Variants in GRIK1 observed in about 807,000 individuals in gnomAD.
The protein encoded by GRIK1 is glutamate ionotropic receptor kainate type subunit 1, also known as glutamate receptor ionotropic, kainate 1.
GRIK1 carries 69 observed loss-of-function variants against 105.7 expected under a neutral mutation model. That is an observed-to-expected ratio of 0.65 (90% CI 0.54 to 0.80). The LOEUF is 0.80. Among genes scored for constraint, GRIK1 ranks in the 30% least tolerant of loss-of-function variants. The pLI is 0.00. For missense variants in GRIK1, 1,109 were observed against 1,167.3 expected, an observed-to-expected ratio of 0.95 and a Z score of 0.73; for synonymous variants, 438 against 431.3, an observed-to-expected ratio of 1.02 and a Z score of -0.19.
At chr21:29,640,484 C>G (rs570659040) in intron 7 of GRIK1, among the ~76,000 whole-genome samples, 11 of 152,244 alleles carry the variant, frequency 7.2e-5, no homozygotes, top group African/African-American at 2.6e-4. Context: ...ATTCATTCCC[C>G]CCTCCCTTCC....
rs773549572 is a variant in GRIK1, at chr21:29,591,139, G to A, written c.1338C>T (p.Asn446=). The change falls in exon 10 of 18, where the codon AAC becomes AAT. Residue 446 remains asparagine (N), a synonymous_variant. Coordinates refer to ENST00000327783, the MANE Select transcript of GRIK1 (RefSeq NM_001330994.2). The part of the protein sequence containing the change: ...KSSNITDSLA[N]RTLIVTTILE... ...GAATGGTGGTGACAATGAGTGTTCT[G>A]TTGGCCAATGAATCAGTGATATTGC... The A allele has an allele frequency of 3.1e-6, 5 of 1,601,146 alleles. No individual in the cohort carries two copies. The highest frequency in any genetic ancestry group is 3.4e-6 in the Non-Finnish European group (4 of 1,168,198).
chr21:29,699,802 C>T (rs2063778645), intron 1 of GRIK1, among the ~76,000 whole-genome samples: 2 of 152,012 alleles, frequency 1.3e-5, no homozygotes, highest in Non-Finnish European at 2.9e-5. Flanking sequence ...GCAAGCACCA[C>T]CACACCCAGC....
chr21:29,822,523 C>A (rs77611906), intron 1 of GRIK1, among the ~76,000 whole-genome samples: 2,497 of 152,142 alleles, frequency 0.016, 62 homozygotes, highest in African/African-American at 0.057. Flanking sequence ...GACGGCCCCT[C>A]ATCCACAACC....
chr21:29,742,080 T>C (rs562724320), intron 1 of GRIK1, among the ~76,000 whole-genome samples: 1 of 152,298 alleles, frequency 6.6e-6, no homozygotes, highest in Non-Finnish European at 1.5e-5. Flanking sequence ...TGCCTTCAAA[T>C]AAAAATAAAT....
At chr21:29,935,164 C>T (rs1483849885) in intron 1 of GRIK1, among the ~76,000 whole-genome samples, 1 of 152,156 alleles carries the variant, frequency 6.6e-6, no homozygotes, top group African/African-American at 2.4e-5. Flanking sequence ...AAGCTAGAAC[C>T]TATTCCAAGT....
At chr21:29,723,451 G>C (rs1489038442) in intron 1 of GRIK1, among the ~76,000 whole-genome samples, 3 of 152,172 alleles carry the variant, frequency 2.0e-5, no homozygotes, top group African/African-American at 7.2e-5. Flanking sequence ...AGTAGTTTTA[G>C]AGTAATTGCT....
At chr21:29,881,991 T>C (rs957214075) in intron 1 of GRIK1, among the ~76,000 whole-genome samples, 1 of 152,250 alleles carries the variant, frequency 6.6e-6, no homozygotes, top group Middle Eastern at 3.4e-3. Context: ...AACATACTCC[T>C]TGGCATCATG....
chr21:29,764,070 G>C (rs1410146854), intron 1 of GRIK1: 1 of 152,224 alleles, frequency 6.6e-6, no homozygotes, highest in African/African-American at 2.4e-5. Context: ...TAATTGGAGG[G>C]AGGATAGAAT....
intron 1 of GRIK1, among the ~76,000 whole-genome samples, chr21:29,904,383 G>A (rs901065516): frequency 5.3e-5 from 8 of 151,682 alleles, no homozygotes; most frequent in Admixed American, 5.3e-4. Flanking sequence ...GAACTATTAT[G>A]ACTATATAGT....
intron 1 of GRIK1, among the ~76,000 whole-genome samples, chr21:29,915,471 A>G (rs978599565): frequency 6.6e-6 from 1 of 152,070 alleles, no homozygotes; most frequent in African/African-American, 2.4e-5. Context: ...ACGCTTTAGT[A>G]TATTTTCACA....
intron 1 of GRIK1, among the ~76,000 whole-genome samples, chr21:29,833,364 C>T (rs181246849): frequency 1.1e-3 from 174 of 152,274 alleles, no homozygotes; most frequent in Non-Finnish European, 2.0e-3. Flanking sequence ...TAAGAATGCC[C>T]CACTCCCAGT....
chr21:29,899,527 G>T (rs1601980819), intron 1 of GRIK1, among the ~76,000 whole-genome samples: 1 of 147,460 alleles, frequency 6.8e-6, no homozygotes, highest in African/African-American at 2.6e-5. Flanking sequence ...GAGTGATAAG[G>T]CATGCTGCTT....
At chr21:29,899,410 A>G (rs1038321895) in intron 1 of GRIK1, among the ~76,000 whole-genome samples, 1 of 152,120 alleles carries the variant, frequency 6.6e-6, no homozygotes, top group African/African-American at 2.4e-5. Context: ...GGCCTAATGG[A>G]TGTTTTAAAT....
chr21:29,591,047 GAATGCT>G, intron 10 of GRIK1, 59 bp downstream of exon 10: 1 of 868,216 alleles, frequency 1.2e-6, no homozygotes, highest in East Asian at 2.4e-5. Flanking sequence ...GACAGTTGAG[GAATGCT>G]TCGAAGTCTA....
At chr21:29,560,300 TTTC>T (rs2090367219) in intron 15 of GRIK1, among the ~76,000 whole-genome samples, 2 of 102,096 alleles carry the variant, frequency 2.0e-5, no homozygotes, top group Admixed American at 1.0e-4. Flanking sequence ...TCTTTCTTTC[TTTC>T]TTTCTTTCTT....
chr21:29,797,973 G>C (rs540519571), intron 1 of GRIK1, among the ~76,000 whole-genome samples: 2 of 152,124 alleles, frequency 1.3e-5, no homozygotes, highest in Non-Finnish European at 2.9e-5. Flanking sequence ...TCAGTTTGTT[G>C]GTTTTTAGTC....
intron 1 of GRIK1, among the ~76,000 whole-genome samples, chr21:29,783,134 T>C (rs1601685318): frequency 6.6e-6 from 1 of 152,362 alleles, no homozygotes; most frequent in Non-Finnish European, 1.5e-5. Context: ...TTTTTATTTT[T>C]ATTCTTTGAT....
At chr21:29,591,402 C>T (rs2061332345) in intron 9 of GRIK1, among the ~76,000 whole-genome samples, 177 bp from the exon 10 acceptor site, 1 of 152,054 alleles carries the variant, frequency 6.6e-6, no homozygotes, top group Non-Finnish European at 1.5e-5. Context: ...AATGTGTAGA[C>T]AAAATAGGAT....
At chr21:29,633,916 A>T (rs1252393876) in intron 7 of GRIK1, among the ~76,000 whole-genome samples, 1 of 152,236 alleles carries the variant, frequency 6.6e-6, no homozygotes, top group Non-Finnish European at 1.5e-5. Flanking sequence ...GGTTGCTGCC[A>T]GACCCAATGT....
Sources: gnomAD v4.1 joint callset for allele counts (sites outside exome capture counted in the v4.1 genomes callset) on GRCh38, gnomAD v4.1.1 for gene constraint, MANE v1.5 for transcripts, NCBI Gene and HGNC (gene_info 2026-07-23, HGNC 2026-07-21) for gene names.